The following FGF14 variants were observed in gnomAD, a reference collection of about 807,000 sequenced individuals.
FGF14 encodes fibroblast growth factor homologous factor 4.
In FGF14, 5 loss-of-function variants were observed where a neutral mutation model predicts 25.5. That is an observed-to-expected ratio of 0.20 (90% CI 0.10 to 0.41). The LOEUF (loss-of-function observed/expected upper bound fraction) is 0.41, where lower values mean the gene tolerates loss of function less well. Among genes scored for constraint, FGF14 ranks in the 10% least tolerant of loss-of-function variants. The probability of loss-of-function intolerance (pLI) is 1.00; values close to 1 mark genes in which losing one functional copy is unlikely to be tolerated. For missense variants in FGF14, 222 were observed against 320.1 expected, an observed-to-expected ratio of 0.69 and a Z score of 2.34; for synonymous variants, 138 against 118.3, an observed-to-expected ratio of 1.17 and a Z score of -1.08.
At chr13:101,951,440 T>C (rs1434684418) in intron 1 of FGF14, among the ~76,000 whole-genome samples, 1 of 152,116 alleles carries the variant, frequency 6.6e-6, no homozygotes, top group African/African-American at 2.4e-5. Flanking sequence ...AATCTGTAAA[T>C]TGGACAATTT....
chr13:101,782,621 T>G (rs974332562), intron 3 of FGF14, among the ~76,000 whole-genome samples: 2 of 152,230 alleles, frequency 1.3e-5, no homozygotes, highest in Non-Finnish European at 2.9e-5. Context: ...AACTACTTAA[T>G]AAGTGAGAAC....
intron 1 of FGF14, among the ~76,000 whole-genome samples, chr13:102,041,408 C>A (rs1362282258): frequency 6.6e-6 from 1 of 151,510 alleles, no homozygotes; most frequent in African/African-American, 2.4e-5. Flanking sequence ...CAAGCTGATA[C>A]ATATATGTTT....
intron 1 of FGF14, chr13:102,002,403 G>A (rs879172775): frequency 6.5e-6 from 1 of 153,980 alleles, no homozygotes; most frequent in Admixed American, 6.5e-5. Flanking sequence ...ACCTGTTGAG[G>A]GAAGGTATAA....
intron 1 of FGF14, among the ~76,000 whole-genome samples, chr13:102,061,029 G>T (rs1370071657): frequency 6.6e-6 from 1 of 152,158 alleles, no homozygotes. Flanking sequence ...AGGAGAGCCC[G>T]GCAGCTGAGC....
chr13:101,861,354 C>A (rs1268555095), intron 3 of FGF14, among the ~76,000 whole-genome samples: 1 of 152,090 alleles, frequency 6.6e-6, no homozygotes, highest in African/African-American at 2.4e-5. Flanking sequence ...CCCACCCTGT[C>A]CTGCTTCTGG....
intron 1 of FGF14, among the ~76,000 whole-genome samples, chr13:101,902,891 C>T (rs1594665092): frequency 1.3e-5 from 2 of 152,114 alleles, no homozygotes; most frequent in Non-Finnish European, 2.9e-5. Flanking sequence ...TTGAATAATG[C>T]AACTTATTAA....
At chr13:101,925,203 T>C (rs1372691981) in intron 1 of FGF14, among the ~76,000 whole-genome samples, 1 of 152,158 alleles carries the variant, frequency 6.6e-6, no homozygotes, top group Non-Finnish European at 1.5e-5. Context: ...AACATTCAAA[T>C]GTTTTGGTAT....
intron 1 of FGF14, among the ~76,000 whole-genome samples, chr13:102,000,208 A>G (rs1453574843): frequency 6.6e-6 from 1 of 152,166 alleles, no homozygotes; most frequent in African/African-American, 2.4e-5. Flanking sequence ...AATCCCAGCT[A>G]CTGAGGAGGC....
At chr13:102,062,740 C>T (rs1235996519) in intron 1 of FGF14, among the ~76,000 whole-genome samples, 1 of 152,084 alleles carries the variant, frequency 6.6e-6, no homozygotes, top group African/African-American at 2.4e-5. Flanking sequence ...TGTTCCATAG[C>T]CAGGCTATTC....
At chr13:101,831,874 G>A (rs1397843577) in intron 3 of FGF14, among the ~76,000 whole-genome samples, 1 of 152,066 alleles carries the variant, frequency 6.6e-6, no homozygotes, top group Non-Finnish European at 1.5e-5. Flanking sequence ...AGTGCTGATG[G>A]AGAAGGATTG....
chr13:102,381,369 T>C (rs557309485), intron 1 of FGF14, among the ~76,000 whole-genome samples: 35 of 152,298 alleles, frequency 2.3e-4, no homozygotes, highest in South Asian at 6.2e-4. Flanking sequence ...AGGAAATGAT[T>C]AGGTCATGAG....
intron 1 of FGF14, among the ~76,000 whole-genome samples, chr13:102,172,714 T>G (rs1487294035): frequency 6.6e-6 from 1 of 152,140 alleles, no homozygotes; most frequent in Non-Finnish European, 1.5e-5. Flanking sequence ...TGAAGAGCAT[T>G]AGCCTTAAAG....
intron 3 of FGF14, among the ~76,000 whole-genome samples, chr13:101,866,575 AT>A (rs1594537447): frequency 6.8e-6 from 1 of 146,330 alleles, no homozygotes; most frequent in East Asian, 2.0e-4. Context: ...TATCATCACT[AT>A]TGTTATTGTA....
intron 1 of FGF14, chr13:102,293,210 GCT>G (rs1293076105): frequency 6.6e-6 from 1 of 152,154 alleles, no homozygotes; most frequent in African/African-American, 2.4e-5. Flanking sequence ...TGCCATGAAG[GCT>G]CTCTCTTCCT....
intron 1 of FGF14, among the ~76,000 whole-genome samples, chr13:102,144,578 T>C (rs2046777395): frequency 1.3e-5 from 2 of 152,158 alleles, no homozygotes; most frequent in Admixed American, 6.5e-5. Context: ...AGTCCATATT[T>C]ACACAAAACT....
intron 1 of FGF14, among the ~76,000 whole-genome samples, chr13:102,069,316 G>A (rs185319676): frequency 8.7e-4 from 133 of 152,120 alleles, no homozygotes; most frequent in African/African-American, 3.1e-3. Flanking sequence ...GATTGTAAAC[G>A]CACCAATCAG....
intron 1 of FGF14, among the ~76,000 whole-genome samples, chr13:102,242,359 T>C (rs980589055): frequency 2.0e-5 from 3 of 152,038 alleles, no homozygotes; most frequent in African/African-American, 7.2e-5. Flanking sequence ...TGTAACAAAA[T>C]TCCTGAGATT....
intron 1 of FGF14, among the ~76,000 whole-genome samples, chr13:101,909,127 C>T (rs2032604417): frequency 6.6e-6 from 1 of 152,272 alleles, no homozygotes; most frequent in South Asian, 2.1e-4. Flanking sequence ...AGACCTAAAA[C>T]CATAAAAACC....
At chr13:101,958,824 G>T (rs558600651) in intron 1 of FGF14, among the ~76,000 whole-genome samples, 1 of 152,136 alleles carries the variant, frequency 6.6e-6, no homozygotes, top group Non-Finnish European at 1.5e-5. Flanking sequence ...CAAAATCAAG[G>T]TCACTGCGCC....
Sources: gnomAD v4.1 joint callset for allele counts (sites outside exome capture counted in the v4.1 genomes callset) on GRCh38, gnomAD v4.1.1 for gene constraint, MANE v1.5 for transcripts, NCBI Gene and HGNC (gene_info 2026-07-23, HGNC 2026-07-21) for gene names.